Variants in SLC22A24 observed in about 807,000 individuals in gnomAD.
SLC22A24 encodes solute carrier family 22 member 24, also known as steroid transmembrane transporter SLC22A24.
A neutral mutation model predicts 49.8 loss-of-function variants in SLC22A24; 53 were observed. The ratio of observed to expected loss-of-function variants is 1.06; its 90% CI spans 0.85 to 1.34. The LOEUF (loss-of-function observed/expected upper bound fraction) is 1.34. Among genes scored for constraint, SLC22A24 ranks in the 40% most tolerant of loss-of-function variants. The probability of loss-of-function intolerance (pLI) is 0.00; values close to 1 mark genes in which losing one functional copy is unlikely to be tolerated. For missense variants in SLC22A24, 786 were observed against 675.9 expected (o/e 1.16, Z -1.81); for synonymous variants, 302 against 256.4 (o/e 1.18, Z -1.70).
intron 1 of SLC22A24, among the ~76,000 whole-genome samples, chr11:63,141,159 A>T (rs1310249306): frequency 2.0e-5 from 3 of 152,228 alleles, no homozygotes; most frequent in East Asian, 3.8e-4. Flanking sequence ...TGGTCAAACT[A>T]ATTAAAACTG....
At chr11:63,137,667 A>T (rs2087384999) in intron 1 of SLC22A24, among the ~76,000 whole-genome samples, 1 of 152,156 alleles carries the variant, frequency 6.6e-6, no homozygotes, top group South Asian at 2.1e-4. Flanking sequence ...GGAAAATGTT[A>T]ATTCAGTTAC....
At position 63,108,852 on chromosome 11, in the gene SLC22A24, T is replaced by A. The variant is rs184962065; in HGVS notation, c.831-4554A>T. ...TTTTGTCTTTACATTTCTTTTTTTT[T>A]ATTATTATTATACTTTAAGTTTTAG... On this transcript the variant is annotated intron_variant, in intron 4 of 9. Coordinates refer to ENST00000612278, the MANE Select transcript of SLC22A24 (RefSeq NM_001136506.2). Among the ~76,000 whole-genome samples, 156 of 151,154 alleles carry A rather than the reference T, an allele frequency of 1.0e-3. 1 individual carries two copies. Among genetic ancestry groups the A allele is most frequent in the African/African-American group, 3.5e-3 (145 of 41,332 alleles).
intron 4 of SLC22A24, among the ~76,000 whole-genome samples, chr11:63,109,659 C>G (rs1590738067): frequency 6.6e-6 from 1 of 151,934 alleles, no homozygotes; most frequent in African/African-American, 2.4e-5. Flanking sequence ...TGAGAAGTGT[C>G]TGTTCATGTC....
At position 63,119,217 on chromosome 11, in the gene SLC22A24, A is replaced by G; in HGVS notation, c.625T>C (p.Ser209Pro). The change falls in exon 3 of 10, where the codon TCC becomes CCC. Residue 209 changes from serine to proline, a missense_variant. By Grantham distance (74) the Ser-to-Pro change is moderately conservative. Transcript: ENST00000612278. ...GTGTTTCCCAAAATAGTCATGGTGG[A>G]GAACCCTGCCAAGAAGCGCAGTATG... ...YCILRFLAGF[S>P]TMTILGNTFI... 6.5e-7 allele frequency: 1 copy of G among 1,550,010 alleles called. No homozygotes were observed. The highest frequency in any genetic ancestry group is 8.7e-7 in the Non-Finnish European group (1 of 1,146,464).
At chr11:63,094,871 C>A (rs1304843369) in intron 6 of SLC22A24, among the ~76,000 whole-genome samples, 1 of 152,044 alleles carries the variant, frequency 6.6e-6, no homozygotes, top group Non-Finnish European at 1.5e-5. Context: ...TTTGTAGATT[C>A]TGGATATTAG....
Position 63,118,928 on chromosome 11 carries a change from G to C in SLC22A24, c.814C>G (p.Leu272Val). Residue 272 changes from leucine to valine, a missense_variant, in exon 4 of 10, where the codon CTC becomes GTC. By Grantham distance (32) the Leu-to-Val change is conservative (BLOSUM62 1). Coordinates refer to ENST00000612278, the MANE Select transcript of SLC22A24 (RefSeq NM_001136506.2). ...QLTVSTPIIV[L>V]FLSSWKMVES... is the part of the protein sequence containing the mutation. ...TGTTCATACCAAGAGGACAAGAAGA[G>C]GACAATTATGGGTGTAGACACAGTC... 1 of 1,552,036 alleles carries C rather than the reference G, an allele frequency of 6.4e-7. No individual in the cohort carries two copies. The highest frequency in any genetic ancestry group is 8.7e-7 in the Non-Finnish European group (1 of 1,147,036).
chr11:63,116,621 T>A (rs2087214944), intron 4 of SLC22A24, among the ~76,000 whole-genome samples: 1 of 152,150 alleles, frequency 6.6e-6, no homozygotes, highest in African/African-American at 2.4e-5. Context: ...TTCTTGGGTG[T>A]GTAGATTAAT....
At chr11:63,100,583 A>G (rs986584511) in intron 5 of SLC22A24, among the ~76,000 whole-genome samples, 1 of 152,164 alleles carries the variant, frequency 6.6e-6, no homozygotes, top group African/African-American at 2.4e-5. Flanking sequence ...GGAACCACAA[A>G]TGACTTAGAA....
chr11:63,132,143 G>A (rs541193042), intron 2 of SLC22A24, among the ~76,000 whole-genome samples: 25 of 152,188 alleles, frequency 1.6e-4, no homozygotes, highest in African/African-American at 5.8e-4. Context: ...GTCCTTTAAG[G>A]TCTTTTCTAC....
At chr11:63,105,287 A>T (rs1437187193) in intron 4 of SLC22A24, among the ~76,000 whole-genome samples, 1 of 152,126 alleles carries the variant, frequency 6.6e-6, no homozygotes, top group African/African-American at 2.4e-5. Flanking sequence ...TCGGGGATCC[A>T]GAGGACAGTG....
intron 4 of SLC22A24, among the ~76,000 whole-genome samples, chr11:63,113,557 T>C (rs1410396154): frequency 1.3e-5 from 2 of 152,000 alleles, no homozygotes; most frequent in East Asian, 1.9e-4. Context: ...GAAAATTCTT[T>C]TCTTTAAGAA....
intron 9 of SLC22A24, 101 bp from the exon 10 acceptor site, chr11:63,080,101 C>A: frequency 1.4e-6 from 1 of 694,152 alleles, no homozygotes; most frequent in Admixed American, 2.4e-5. Context: ...ACAAGCTGCC[C>A]TCTACCCACC....
chr11:63,124,954 G>A (rs911260861), intron 2 of SLC22A24, among the ~76,000 whole-genome samples: 11 of 151,682 alleles, frequency 7.3e-5, no homozygotes, highest in Non-Finnish European at 1.5e-4. Flanking sequence ...GGACTGTTGC[G>A]GGGTGGGGGG....
At position 63,098,564 on chromosome 11, in the gene SLC22A24, G is replaced by A. The variant is rs11231354; in HGVS notation, c.955-2458C>T. On this transcript the variant is annotated intron_variant, in intron 5 of 9. Transcript: ENST00000612278. Reference sequence around the variant, plus strand: ...ATGCCACCCAGCTACTTGGGTGGCTGAGGGAGGAGAATCACTTGAACCTGG... The same window carrying A: ...ATGCCACCCAGCTACTTGGGTGGCTAAGGGAGGAGAATCACTTGAACCTGG... Among the ~76,000 whole-genome samples, 649 of 152,224 alleles carry A rather than the reference G, an allele frequency of 4.3e-3. 28 individuals carry two copies. In the East Asian group the frequency reaches 0.099, roughly 23 times the overall value.
intron 5 of SLC22A24, among the ~76,000 whole-genome samples, chr11:63,103,843 T>A (rs558425654): frequency 5.3e-4 from 80 of 152,348 alleles, no homozygotes; most frequent in African/African-American, 1.8e-3. Flanking sequence ...TTTATTTTAT[T>A]GGCTTTCTTA....
intron 6 of SLC22A24, among the ~76,000 whole-genome samples, chr11:63,090,893 A>G (rs1286779959): frequency 6.6e-6 from 1 of 152,042 alleles, no homozygotes; most frequent in Non-Finnish European, 1.5e-5. Flanking sequence ...GAGCAAACAA[A>G]TTCAAAAGCT....
chr11:63,134,296 A>C (rs915488715), intron 2 of SLC22A24, among the ~76,000 whole-genome samples: 1 of 152,092 alleles, frequency 6.6e-6, no homozygotes, highest in African/African-American at 2.4e-5. Context: ...ACAAATTTGC[A>C]CTTTCAGACC....
chr11:63,101,159 G>A (rs1009937185), intron 5 of SLC22A24, among the ~76,000 whole-genome samples: 5 of 151,934 alleles, frequency 3.3e-5, no homozygotes, highest in Non-Finnish European at 7.4e-5. Context: ...ATCTGACAAG[G>A]GATTAATAAC....
At chr11:63,136,695 CA>C (rs2087377621) in intron 1 of SLC22A24, among the ~76,000 whole-genome samples, 1 of 152,194 alleles carries the variant, frequency 6.6e-6, no homozygotes, top group Admixed American at 6.5e-5. Flanking sequence ...CAAGGTGTCT[CA>C]CCCTTGGGTG....
Sources: gnomAD v4.1 joint callset for allele counts (sites outside exome capture counted in the v4.1 genomes callset) on GRCh38, gnomAD v4.1.1 for gene constraint, MANE v1.5 for transcripts, NCBI Gene and HGNC (gene_info 2026-07-23, HGNC 2026-07-21) for gene names.